The following SGCZ variants were observed in gnomAD, a reference collection of about 807,000 sequenced individuals.
The protein encoded by SGCZ is zeta-sarcoglycan.
In SGCZ, 40 loss-of-function variants were observed where a neutral mutation model predicts 41.3. That is an observed-to-expected ratio of 0.97 (90% CI 0.75 to 1.26). The LOEUF (loss-of-function observed/expected upper bound fraction) is 1.26. SGCZ is among the 50% of genes most tolerant of loss of function. The pLI is 0.00. For synonymous variants in SGCZ, 206 were observed against 137.5 expected (o/e 1.50, Z -3.49); for missense variants, 552 against 369.8 (o/e 1.49, Z -4.04).
intron 2 of SGCZ, among the ~76,000 whole-genome samples, chr8:14,484,857 T>C (rs1270935531): frequency 1.3e-5 from 2 of 152,182 alleles, no homozygotes; most frequent in Non-Finnish European, 2.9e-5. Context: ...TTGGTGATAC[T>C]TCTGTTGCTT....
At chr8:14,644,986 T>C (rs527599741) in intron 1 of SGCZ, among the ~76,000 whole-genome samples, 1 of 150,856 alleles carries the variant, frequency 6.6e-6, no homozygotes, top group Non-Finnish European at 1.5e-5. Context: ...CTCGTTAGAC[T>C]GTGGCCTACA....
chr8:14,811,783 C>A (rs1001861958), intron 1 of SGCZ, among the ~76,000 whole-genome samples: 8 of 151,952 alleles, frequency 5.3e-5, no homozygotes, highest in Non-Finnish European at 1.2e-4. Context: ...TCACTCAAAT[C>A]ATTTTCAAAG....
chr8:14,684,362 C>A (rs143789648), intron 1 of SGCZ, among the ~76,000 whole-genome samples: 6 of 152,198 alleles, frequency 3.9e-5, no homozygotes, highest in African/African-American at 1.2e-4. Flanking sequence ...GTCATGGCAA[C>A]GTATTTATGT....
intron 1 of SGCZ, among the ~76,000 whole-genome samples, chr8:14,607,973 GAA>G (rs1162708904): frequency 6.6e-6 from 1 of 152,136 alleles, no homozygotes; most frequent in African/African-American, 2.4e-5. Flanking sequence ...CCAGCTATTT[GAA>G]AGTTTCTAAT....
intron 1 of SGCZ, among the ~76,000 whole-genome samples, chr8:15,033,632 C>A (rs558478856): frequency 7.2e-5 from 11 of 152,220 alleles, no homozygotes; most frequent in African/African-American, 2.6e-4. Context: ...CGGGACAGTT[C>A]CCATGGCCTA....
chr8:14,787,054 G>T lies in SGCZ; in HGVS notation c.40-232128C>A, dbSNP rs140157155. On this transcript the variant is annotated intron_variant, in intron 1 of 7. Transcript: ENST00000382080. ...CAGGAGCAGTAACATCATAATCTTG[G>T]GACTGGGAATAGCATGAAAATAGAT... 8.5e-5 allele frequency among the ~76,000 whole-genome samples: 13 copies of T among 152,098 alleles called. No individual in the cohort carries two copies. The East Asian group carries it at 1.7e-3, about 20-fold the overall frequency.
intron 3 of SGCZ, among the ~76,000 whole-genome samples, chr8:14,265,053 C>T (rs922747428): frequency 6.6e-6 from 1 of 152,166 alleles, no homozygotes; most frequent in Non-Finnish European, 1.5e-5. Context: ...ATGCAGGTGT[C>T]ATTGCATATC....
intron 2 of SGCZ, among the ~76,000 whole-genome samples, chr8:14,548,473 T>C (rs1193105779): frequency 6.6e-6 from 1 of 152,192 alleles, no homozygotes; most frequent in African/African-American, 2.4e-5. Context: ...CTGATTTAGT[T>C]GTGGGTTTTT....
intron 1 of SGCZ, among the ~76,000 whole-genome samples, chr8:15,185,682 A>T (rs924723635): frequency 2.6e-5 from 4 of 152,144 alleles, no homozygotes; most frequent in Admixed American, 2.6e-4. Context: ...GTTGGACCAC[A>T]CTGCTTGAGA....
intron 2 of SGCZ, among the ~76,000 whole-genome samples, chr8:14,507,742 G>GTT (rs35080832): frequency 8.3e-5 from 12 of 144,238 alleles, no homozygotes; most frequent in African/African-American, 3.2e-4. Context: ...CTACATTGCT[G>GTT]TTTTTGTTTG....
intron 1 of SGCZ, among the ~76,000 whole-genome samples, chr8:15,148,046 GA>G (rs1799083069): frequency 1.4e-5 from 2 of 141,578 alleles, no homozygotes; most frequent in African/African-American, 6.2e-5. Flanking sequence ...TTCATTCTCA[GA>G]AGGGCTCTCA....
intron 2 of SGCZ, among the ~76,000 whole-genome samples, chr8:14,324,909 C>A (rs968746541): frequency 6.6e-6 from 1 of 152,150 alleles, no homozygotes; most frequent in Non-Finnish European, 1.5e-5. Flanking sequence ...GGAATTTCAA[C>A]AGGGAAGGTC....
chr8:14,978,470 CAAAAAAAAAAAAAAAAAAAAAAAAAA>C (rs59543494), intron 1 of SGCZ, among the ~76,000 whole-genome samples: 2 of 62,824 alleles, frequency 3.2e-5, no homozygotes, highest in Non-Finnish European at 5.1e-5. Flanking sequence ...GACACCGTCA[CAAAAAAAAAAAAAAAAAAAAAAAAAA>C]AAAAAAAAAA....
At chr8:14,510,262 G>C (rs1585612373) in intron 2 of SGCZ, among the ~76,000 whole-genome samples, 1 of 152,118 alleles carries the variant, frequency 6.6e-6, no homozygotes, top group South Asian at 2.1e-4. Context: ...GACTGGTGGA[G>C]TAGAAAGTAA....
At chr8:14,612,396 G>A (rs1805958687) in intron 1 of SGCZ, among the ~76,000 whole-genome samples, 1 of 152,138 alleles carries the variant, frequency 6.6e-6, no homozygotes, top group Non-Finnish European at 1.5e-5. Context: ...TTCACCTTCT[G>A]CCGTGATTGT....
At position 14,272,274 on chromosome 8, in the gene SGCZ, G is replaced by C. The variant is rs150542220; in HGVS notation, c.337-34595C>G. 3.0e-3 allele frequency among the ~76,000 whole-genome samples: 459 copies of C among 152,310 alleles called. 2 individuals carry two copies. Among genetic ancestry groups the C allele is most frequent in the African/African-American group, 0.011 (440 of 41,570 alleles). ...CCACCTTGGCCTCCCGAAGTGCTGG[G>C]ATTACAGGCGTAAGCCACTGCACCC... On this transcript the variant is annotated intron_variant, in intron 3 of 7. Transcript: ENST00000382080.
intron 2 of SGCZ, among the ~76,000 whole-genome samples, chr8:14,468,541 G>A (rs760682181): frequency 6.6e-5 from 10 of 151,984 alleles, no homozygotes; most frequent in Non-Finnish European, 1.5e-5. Flanking sequence ...AGCAAAGGTG[G>A]TGCCTCATCT....
At chr8:14,413,835 C>T (rs1799424435) in intron 2 of SGCZ, among the ~76,000 whole-genome samples, 2 of 151,832 alleles carry the variant, frequency 1.3e-5, no homozygotes, top group Non-Finnish European at 2.9e-5. Flanking sequence ...GAACATAAAT[C>T]CTAGGAGAAC....
intron 1 of SGCZ, among the ~76,000 whole-genome samples, chr8:15,037,672 A>G (rs1407311426): frequency 6.6e-6 from 1 of 152,194 alleles, no homozygotes; most frequent in Non-Finnish European, 1.5e-5. Context: ...TTGGAAAGTA[A>G]GAAGTTAAAC....
Sources: gnomAD v4.1 joint callset for allele counts (sites outside exome capture counted in the v4.1 genomes callset) on GRCh38, gnomAD v4.1.1 for gene constraint, MANE v1.5 for transcripts, NCBI Gene and HGNC (gene_info 2026-07-23, HGNC 2026-07-21) for gene names.